Variants in MRTO4 observed in about 807,000 individuals in gnomAD.
MRTO4 encodes the protein mRNA turnover protein 4 homolog.
Under a neutral mutation model 28.6 loss-of-function variants are expected in MRTO4, and 7 were observed. The ratio of observed to expected loss-of-function variants is 0.24; its 90% confidence interval spans 0.14 to 0.46. The LOEUF (loss-of-function observed/expected upper bound fraction) is 0.46. MRTO4 is among the 20% of genes least tolerant of loss of function. The pLI is 0.99. For synonymous variants in MRTO4, 113 were observed against 108.2 expected, an observed-to-expected ratio of 1.04 and a Z score of -0.27; for missense variants, 302 against 298.3, an observed-to-expected ratio of 1.01 and a Z score of -0.09.
chr1:19,257,548 AAG>A, intron 5 of MRTO4, 27 bp downstream of exon 5: 1 of 1,613,222 alleles, frequency 6.2e-7, no homozygotes, highest in Non-Finnish European at 8.5e-7. Flanking sequence ...AACGGAGGGA[AAG>A]AGGCGGGTGA....
In MRTO4 at chr1:19,257,929, C is replaced by T. The variant is rs771623372; in HGVS notation, c.438C>T (p.Pro146=). ...SLDPGPLEQF[P]HSMEPQLRQL... is the part of the protein sequence containing the mutation. Reference sequence around the variant, plus strand: ...ATCCAGGGCCCCTGGAGCAGTTCCCCCACTCCATGGAGCCACAGCTCAGGC... The same window carrying T: ...ATCCAGGGCCCCTGGAGCAGTTCCCTCACTCCATGGAGCCACAGCTCAGGC... Residue 146 remains proline (P), a synonymous_variant, in exon 6 of 8, where the codon CCC becomes CCT. Coordinates refer to ENST00000330263, the MANE Select transcript of MRTO4 (RefSeq NM_016183.4). The T allele has an allele frequency of 1.5e-5, 25 of 1,614,104 alleles. No homozygotes were observed. In the South Asian group the frequency reaches 2.3e-4, roughly 15 times the overall value.
intron 3 of MRTO4, among the ~76,000 whole-genome samples, chr1:19,256,836 G>A (rs2073102): frequency 2.0e-5 from 3 of 152,204 alleles, no homozygotes; most frequent in East Asian, 1.9e-4. Context: ...CATGATGCTC[G>A]TGATGGGCTG....
chr1:19,257,536 G>A lies in MRTO4; in HGVS notation c.341+15G>A, dbSNP rs76779645. 60,627 of 1,613,094 alleles carry A rather than the reference G, an allele frequency of 0.038. 1,306 individuals are homozygous for A. The highest frequency in any genetic ancestry group is 0.055 in the South Asian group (5,038 of 91,048). On this transcript the variant is annotated intron_variant, in intron 5 of 7. Transcript: ENST00000330263. ...GAGGTGAATGAGTAAGTACTGCTGAGGAACGGAGGGAAAGAGGCGGGTGAG... is the reference window on the plus strand; with the variant it reads ...GAGGTGAATGAGTAAGTACTGCTGAAGAACGGAGGGAAAGAGGCGGGTGAG...
chr1:19,256,465 G>C (rs1250766237), intron 3 of MRTO4, among the ~76,000 whole-genome samples: 12 of 152,068 alleles, frequency 7.9e-5, no homozygotes, highest in Admixed American at 7.9e-4. Flanking sequence ...GCAATGAGCT[G>C]AGATTGCACC....
At chr1:19,256,957 C>A in intron 3 of MRTO4, 107 bp from the exon 4 acceptor site, 2 of 1,078,850 alleles carry the variant, frequency 1.9e-6, no homozygotes, top group African/African-American at 1.6e-5. Flanking sequence ...GCCACTGGCT[C>A]AGCCTGGGCC....
intron 1 of MRTO4, among the ~76,000 whole-genome samples, chr1:19,252,700 CAAAAAT>C (rs2093664104): frequency 6.6e-6 from 1 of 152,202 alleles, no homozygotes; most frequent in African/African-American, 2.4e-5. Context: ...GACTCCGTCT[CAAAAAT>C]AAATAAATAA....
intron 1 of MRTO4, 183 bp downstream of exon 1, chr1:19,252,046 A>G: frequency 1.1e-6 from 1 of 876,548 alleles, no homozygotes; most frequent in Non-Finnish European, 1.7e-6. Context: ...GAGGTGGCTG[A>G]CGCCCGGTCG....
chr1:19,253,684 G>C (rs2093667194), intron 1 of MRTO4, among the ~76,000 whole-genome samples: 1 of 152,228 alleles, frequency 6.6e-6, no homozygotes, highest in Non-Finnish European at 1.5e-5. Context: ...GCCCTCCTCT[G>C]CTCCACTTAC....
intron 3 of MRTO4, among the ~76,000 whole-genome samples, 179 bp from the exon 4 acceptor site, chr1:19,256,885 G>A (rs2093672215): frequency 6.6e-6 from 1 of 152,180 alleles, no homozygotes; most frequent in Admixed American, 6.6e-5. Flanking sequence ...CTGTGGGTGG[G>A]AACATAATGA....
chr1:19,257,645 G>A, intron 5 of MRTO4, 124 bp downstream of exon 5: 2 of 1,379,512 alleles, frequency 1.4e-6, no homozygotes, highest in Non-Finnish European at 2.0e-6. Flanking sequence ...GCCTGTCACT[G>A]AGCTAGTGGC....
chr1:19,251,870 G>T lies in MRTO4; in HGVS notation c.28+7G>T. The stretch of plus-strand genomic sequence containing the variant: ...TCCAAGCGCGACAAGAAAGGTGGGC[G>T]AAGGGGGAGTCGGGACCCTGGGGGG... On this transcript the variant is annotated splice_region_variant and intron_variant, in intron 1 of 7. Coordinates refer to ENST00000330263, the MANE Select transcript of MRTO4 (RefSeq NM_016183.4). 6.3e-7 allele frequency: 1 copy of T among 1,591,756 alleles called. No homozygotes were observed. Among genetic ancestry groups the T allele is most frequent in the Admixed American group, 1.8e-5 (1 of 56,886 alleles).
At position 19,259,805 on chromosome 1, in the gene MRTO4, T is replaced by A. The variant is rs1324628366; in HGVS notation, c.*975T>A. ...AGCCTTGGGCTGAGAGTGACATCAC[T>A]GCAAGAGTTGAGAGCCAGCGTCTAA... On this transcript the variant is annotated 3_prime_UTR_variant, in exon 8 of 8. Coordinates refer to ENST00000330263, the MANE Select transcript of MRTO4 (RefSeq NM_016183.4). The A allele has an allele frequency of 6.6e-6, 1 of 152,276 alleles. No individual in the cohort carries two copies. Among genetic ancestry groups the A allele is most frequent in the Non-Finnish European group, 1.5e-5 (1 of 68,066 alleles). 9.4% of individuals were successfully genotyped at this position (152,276 alleles called of 1,614,324 possible).
intron 3 of MRTO4, among the ~76,000 whole-genome samples, chr1:19,256,367 T>G (rs1011434218): frequency 1.3e-5 from 2 of 152,028 alleles, no homozygotes; most frequent in Non-Finnish European, 2.9e-5. Flanking sequence ...AATACAAAAA[T>G]TAGCCGGGCA....
intron 6 of MRTO4, among the ~76,000 whole-genome samples, 183 bp downstream of exon 6, chr1:19,258,167 G>A (rs972111553): frequency 1.3e-5 from 2 of 151,976 alleles, no homozygotes; most frequent in African/African-American, 4.8e-5. Flanking sequence ...CAGCCAAAAT[G>A]CAGCCCTTGA....
intron 2 of MRTO4, 99 bp from the exon 3 acceptor site, chr1:19,255,849 T>C (rs1258088222): frequency 8.2e-6 from 8 of 976,270 alleles, no homozygotes; most frequent in Non-Finnish European, 1.1e-5. Context: ...GTTTCCATAG[T>C]TGTCAGGGGC....
At chr1:19,252,093 G>T (rs969719134) in intron 1 of MRTO4, 5 of 606,286 alleles carry the variant, frequency 8.2e-6, no homozygotes, top group South Asian at 4.3e-5. Flanking sequence ...CCTAGTTTCA[G>T]GTGCTCTTGC....
At chr1:19,256,076 C>T (rs760720899) in intron 3 of MRTO4, 25 bp downstream of exon 3, 1 of 1,604,348 alleles carries the variant, frequency 6.2e-7, no homozygotes, top group South Asian at 1.1e-5. Flanking sequence ...GGAGGAAGGC[C>T]CTTCTGAGTG....
At position 19,258,670 on chromosome 1, in the gene MRTO4, G is replaced by A. The variant is rs1393390911; in HGVS notation, c.571-11G>A. 29 of 1,614,006 alleles carry A rather than the reference G, an allele frequency of 1.8e-5. No homozygotes were observed. Among genetic ancestry groups the A allele is most frequent in the Non-Finnish European group, 2.4e-5 (28 of 1,180,000 alleles). On this transcript the variant is annotated splice_polypyrimidine_tract_variant and intron_variant, in intron 7 of 7. Transcript: ENST00000330263. The stretch of plus-strand genomic sequence containing the variant: ...TTCCTCCTGATTCTTTGTTCCCTTT[G>A]TCTCTTGCAGAAGCTTTTTGGGTAT...
Position 19,256,943 on chromosome 1 carries a change from G to A in MRTO4, c.192-121G>A. 3 of 876,112 alleles carry A rather than the reference G, an allele frequency of 3.4e-6. No individual in the cohort carries two copies. In the South Asian group the frequency reaches 4.7e-5, roughly 14 times the overall value. 54.3% of individuals were successfully genotyped at this position (876,112 alleles called of 1,614,324 possible). On this transcript the variant is annotated intron_variant, in intron 3 of 7. Transcript: ENST00000330263. ...GTGTGGCCAGGCAGCATGGAGAAGT[G>A]GGTGCCACTGGCTCAGCCTGGGCCT...
Sources: allele counts gnomAD v4.1 joint callset (sites outside exome capture counted in the v4.1 genomes callset), GRCh38; gene constraint gnomAD v4.1.1; transcripts MANE v1.5; gene names NCBI Gene and HGNC (gene_info 2026-07-23, HGNC 2026-07-21).